LRP1B: variants seen among roughly 807,000 people sequenced by gnomAD.
The protein encoded by LRP1B is LDL receptor related protein 1B.
Under a neutral mutation model 556.6 loss-of-function variants are expected in LRP1B, and 217 were observed. The ratio of observed to expected loss-of-function variants is 0.39; its 90% CI spans 0.35 to 0.44. The LOEUF is 0.44. LRP1B is among the 20% of genes least tolerant of loss of function. LRP1B has a pLI of 1.00. For synonymous variants in LRP1B, 2,047 were observed against 1,865.8 expected (o/e 1.10, Z -2.50); for missense variants, 5,053 against 5,620.8 (o/e 0.90, Z 3.23).
intron 41 of LRP1B, among the ~76,000 whole-genome samples, chr2:140,687,575 AT>A (rs138037926): frequency 2.3e-4 from 35 of 149,654 alleles, no homozygotes; most frequent in Admixed American, 4.0e-4. Context: ...TATCCACATG[AT>A]TTTTTTTTTA....
intron 41 of LRP1B, among the ~76,000 whole-genome samples, chr2:140,690,182 C>A (rs1469686692): frequency 6.6e-6 from 1 of 151,912 alleles, no homozygotes; most frequent in African/African-American, 2.4e-5. Flanking sequence ...CGAGAAGAAT[C>A]CACACAAACA....
At chr2:141,964,359 A>T (rs1046105298) in intron 1 of LRP1B, among the ~76,000 whole-genome samples, 3 of 147,932 alleles carry the variant, frequency 2.0e-5, no homozygotes, top group African/African-American at 7.4e-5. Context: ...ACAAGGCTAC[A>T]GTAACCAAAA....
chr2:140,556,508 T>A (rs538081083), intron 43 of LRP1B, among the ~76,000 whole-genome samples: 1 of 152,196 alleles, frequency 6.6e-6, no homozygotes, highest in Admixed American at 6.6e-5. Context: ...AGCACAAAAA[T>A]TCACAGATTT....
At chr2:140,877,147 G>C (rs1693334428) in intron 25 of LRP1B, among the ~76,000 whole-genome samples, 2 of 151,928 alleles carry the variant, frequency 1.3e-5, no homozygotes, top group African/African-American at 4.8e-5. Flanking sequence ...ACTGAAGATA[G>C]ACAACTTAAA....
chr2:141,657,643 G>A (rs966204102), intron 2 of LRP1B, among the ~76,000 whole-genome samples: 5 of 152,086 alleles, frequency 3.3e-5, no homozygotes, highest in Admixed American at 6.5e-5. Context: ...AAATTTTAAA[G>A]ACATATCTGA....
intron 37 of LRP1B, among the ~76,000 whole-genome samples, chr2:140,704,070 T>C (rs145323852): frequency 6.6e-6 from 1 of 152,240 alleles, no homozygotes; most frequent in African/African-American, 2.4e-5. Flanking sequence ...CCTTGTAAAA[T>C]CTCCAAACTG....
intron 35 of LRP1B, among the ~76,000 whole-genome samples, chr2:140,766,115 T>G (rs1392231877): frequency 6.6e-6 from 1 of 151,886 alleles, no homozygotes; most frequent in African/African-American, 2.4e-5. Flanking sequence ...GGGGTAAATG[T>G]CATTAATGGA....
At chr2:142,107,424 C>T (rs1310647629) in intron 1 of LRP1B, among the ~76,000 whole-genome samples, 5 of 152,026 alleles carry the variant, frequency 3.3e-5, no homozygotes, top group Admixed American at 6.6e-5. Context: ...TCTTTTGCAC[C>T]TCTGCCTTCT....
intron 77 of LRP1B, among the ~76,000 whole-genome samples, chr2:140,337,533 C>G (rs1573812608): frequency 6.6e-6 from 1 of 151,754 alleles, no homozygotes; most frequent in Non-Finnish European, 1.5e-5. Context: ...AAATATATCA[C>G]CAAATGTCAT....
chr2:141,946,551 T>C (rs528485175), intron 1 of LRP1B, among the ~76,000 whole-genome samples: 10 of 152,268 alleles, frequency 6.6e-5, no homozygotes, highest in African/African-American at 2.2e-4. Flanking sequence ...CCAAAGATAC[T>C]GACTACAAGT....
intron 41 of LRP1B, among the ~76,000 whole-genome samples, chr2:140,637,732 C>T (rs1286986294): frequency 6.6e-6 from 1 of 152,184 alleles, no homozygotes; most frequent in South Asian, 2.1e-4. Context: ...GCCTCTCCTC[C>T]ACCCTATAGC....
chr2:141,495,198 T>G (rs946554897), intron 2 of LRP1B, among the ~76,000 whole-genome samples: 3 of 152,120 alleles, frequency 2.0e-5, no homozygotes, highest in Non-Finnish European at 4.4e-5. Flanking sequence ...CCAAAGCTGG[T>G]CAGCTTTACA....
Position 141,202,629 on chromosome 2 carries a change from T to C in LRP1B, c.851-14046A>G, listed in dbSNP as rs562400878. Among the ~76,000 whole-genome samples the C allele has an allele frequency of 3.3e-5, 5 of 152,266 alleles. No individual in the cohort carries two copies. In the South Asian group the frequency reaches 1.0e-3, roughly 32 times the overall value. ...AGCCATTCTGACTGATGTGAGATGG[T>C]ATCTTATTGGGGTTTTGATTTGCAT... On this transcript the variant is annotated intron_variant, in intron 6 of 90. Coordinates refer to ENST00000389484, the MANE Select transcript of LRP1B (RefSeq NM_018557.3).
intron 2 of LRP1B, among the ~76,000 whole-genome samples, chr2:141,660,538 T>C (rs1037223226): frequency 3.3e-5 from 5 of 152,080 alleles, no homozygotes; most frequent in African/African-American, 9.7e-5. Flanking sequence ...CCCCAGGGTG[T>C]ACCACAGCAG....
At chr2:140,457,388 C>A (rs1046912139) in intron 61 of LRP1B, 75 bp downstream of exon 61, 3 of 1,162,610 alleles carry the variant, frequency 2.6e-6, no homozygotes, top group Non-Finnish European at 3.8e-6. Flanking sequence ...TTACATTTAA[C>A]CTTGAAATAA....
chr2:141,516,440 T>C (rs1684314720), intron 2 of LRP1B, among the ~76,000 whole-genome samples: 1 of 152,208 alleles, frequency 6.6e-6, no homozygotes, highest in Admixed American at 6.5e-5. Flanking sequence ...GACTTAGATT[T>C]AAATGTTACA....
chr2:142,028,200 A>C (rs1335137359), intron 1 of LRP1B, among the ~76,000 whole-genome samples: 1 of 152,002 alleles, frequency 6.6e-6, no homozygotes, highest in Non-Finnish European at 1.5e-5. Flanking sequence ...AACAATTTAC[A>C]TAGAATAAAC....
At chr2:141,637,859 G>A (rs1221321174) in intron 2 of LRP1B, among the ~76,000 whole-genome samples, 1 of 152,160 alleles carries the variant, frequency 6.6e-6, no homozygotes, top group Non-Finnish European at 1.5e-5. Context: ...GAATAGCTTA[G>A]CAGCATCTCC....
At chr2:140,455,871 T>C (rs1194743150) in intron 62 of LRP1B, among the ~76,000 whole-genome samples, 2 of 152,214 alleles carry the variant, frequency 1.3e-5, no homozygotes, top group African/African-American at 4.8e-5. Context: ...AGTACAGTTT[T>C]ACAATGTCAT....
Sources: gnomAD v4.1 joint callset for allele counts (sites outside exome capture counted in the v4.1 genomes callset) on GRCh38, gnomAD v4.1.1 for gene constraint, MANE v1.5 for transcripts, NCBI Gene and HGNC (gene_info 2026-07-23, HGNC 2026-07-21) for gene names.